TNNI3K: variants seen among roughly 807,000 people sequenced by gnomAD.
TNNI3K encodes the protein TNNI3 interacting kinase.
In TNNI3K, 140 loss-of-function variants were observed where a neutral mutation model predicts 114.5. That is an observed-to-expected ratio of 1.22 (90% CI 1.07 to 1.41). The LOEUF is 1.41. TNNI3K is among the 40% of genes most tolerant of loss of function. TNNI3K has a pLI of 0.00. For missense variants in TNNI3K, 1,125 were observed against 1,007.6 expected, an observed-to-expected ratio of 1.12 and a Z score of -1.58; for synonymous variants, 347 against 347.5, an observed-to-expected ratio of 1.00 and a Z score of 0.02.
At chr1:74,274,456 T>C (rs1435026343) in intron 5 of TNNI3K, among the ~76,000 whole-genome samples, 1 of 151,976 alleles carries the variant, frequency 6.6e-6, no homozygotes, top group East Asian at 1.9e-4. Flanking sequence ...TACGTGTGAA[T>C]TCATTTAACA....
chr1:74,455,713 G>A (rs924890808), intron 20 of TNNI3K, among the ~76,000 whole-genome samples: 1 of 152,122 alleles, frequency 6.6e-6, no homozygotes, highest in Non-Finnish European at 1.5e-5. Context: ...TGATATCTGA[G>A]GTCAGGAGAA....
chr1:74,396,531 T>A (rs1664090167), intron 17 of TNNI3K, among the ~76,000 whole-genome samples: 1 of 152,224 alleles, frequency 6.6e-6, no homozygotes, highest in Non-Finnish European at 1.5e-5. Context: ...ATGTCAATCA[T>A]GAATATTCTG....
rs1358209863 is a variant in TNNI3K at position 74,367,923 on chromosome 1, C to G, written c.1280C>G (p.Ser427Cys). The change falls in exon 13 of 25, where the codon TCT (serine) becomes TGT (cysteine). Residue 427 changes from serine to cysteine, a missense_variant. Ser to Cys is a moderately radical substitution (Grantham distance 112). Coordinates refer to ENST00000326637, the MANE Select transcript of TNNI3K (RefSeq NM_015978.3). ...SQPGGDGSYV[S>C]VPSPLGKIKS... ...TAATTTCTAGATGGCTCCTATGTGT[C>G]TGTTCCATCACCCTTGGGGAAGATT... The G allele has an allele frequency of 6.3e-7, 1 of 1,577,430 alleles. No homozygotes were observed. Among genetic ancestry groups the G allele is most frequent in the Non-Finnish European group, 8.6e-7 (1 of 1,166,394 alleles).
At position 74,367,889 on chromosome 1, in the gene TNNI3K, T is replaced by TA; in HGVS notation, c.1265-18dup. 6.4e-7 allele frequency: 1 copy of TA among 1,564,990 alleles called. No individual in the cohort carries two copies. Among genetic ancestry groups the TA allele is most frequent in the African/African-American group, 1.4e-5 (1 of 71,328 alleles). On this transcript the variant is annotated intron_variant, in intron 12 of 24. Coordinates refer to ENST00000326637, the MANE Select transcript of TNNI3K (RefSeq NM_015978.3). Reference sequence around the variant, plus strand: ...AAATGATCGCTACTTTCAACTCTATTATATAATTTAATTTCTAGATGGCTC... The same window carrying TA: ...AAATGATCGCTACTTTCAACTCTATTAATATAATTTAATTTCTAGATGGCTC...
intron 5 of TNNI3K, among the ~76,000 whole-genome samples, chr1:74,285,733 A>C (rs1657290730): frequency 6.6e-6 from 1 of 152,212 alleles, no homozygotes. Flanking sequence ...TAATTATTCA[A>C]GTGTTTTAGG....
At chr1:74,451,743 CTTT>C (rs1667032324) in intron 20 of TNNI3K, among the ~76,000 whole-genome samples, 1 of 45,128 alleles carries the variant, frequency 2.2e-5, no homozygotes, top group Non-Finnish European at 4.8e-5. Flanking sequence ...TTCTTTCTTT[CTTT>C]CTTTTCTTTT....
rs140190912 is a variant in TNNI3K, at chr1:74,368,848, G to A, written c.1322-174G>A. On this transcript the variant is annotated intron_variant, in intron 13 of 24. Coordinates refer to ENST00000326637, the MANE Select transcript of TNNI3K (RefSeq NM_015978.3). ...ACATGATTTTAATGCAGGGGGGTAG[G>A]GATCATTTGGGTTAAGGTTTTAGCA... 815 of 556,510 alleles carry A rather than the reference G, an allele frequency of 1.5e-3. 7 individuals carry two copies. The highest frequency in any genetic ancestry group is 0.014 in the African/African-American group (690 of 50,936). The allele number at this position is 556,510 out of a possible 1,614,324, so 34.5% of individuals were successfully genotyped here.
At chr1:74,312,327 G>A (rs1400507393) in intron 5 of TNNI3K, among the ~76,000 whole-genome samples, 3 of 152,176 alleles carry the variant, frequency 2.0e-5, no homozygotes, top group Admixed American at 2.0e-4. Flanking sequence ...CCTCTACTCT[G>A]ATACATGTTC....
At chr1:74,413,860 A>G (rs1363924957) in intron 17 of TNNI3K, among the ~76,000 whole-genome samples, 2 of 152,192 alleles carry the variant, frequency 1.3e-5, no homozygotes, top group Non-Finnish European at 2.9e-5. Context: ...AGTTGCAATC[A>G]GTTCTTTTAA....
chr1:74,392,910 A>T (rs1384618280), intron 17 of TNNI3K, among the ~76,000 whole-genome samples: 1 of 152,248 alleles, frequency 6.6e-6, no homozygotes, highest in Non-Finnish European at 1.5e-5. Flanking sequence ...AATACAAAAT[A>T]ACTGTTTTTG....
At chr1:74,386,234 G>T (rs555721201) in intron 17 of TNNI3K, among the ~76,000 whole-genome samples, 2 of 152,048 alleles carry the variant, frequency 1.3e-5, no homozygotes, top group Admixed American at 1.3e-4. Flanking sequence ...GTCTTTATTA[G>T]CAGTGTGAGA....
chr1:74,540,184 GTTA>G (rs1646709259), intron 23 of TNNI3K, 47 bp from the exon 24 acceptor site: 1 of 1,585,484 alleles, frequency 6.3e-7, no homozygotes, highest in African/African-American at 1.4e-5. Context: ...TTATAAAAAT[GTTA>G]TTATCAGATC....
rs377443276 is a variant in TNNI3K at position 74,335,964 on chromosome 1, T to C, written c.544-47T>C. On this transcript the variant is annotated intron_variant, in intron 6 of 24. Coordinates refer to ENST00000326637, the MANE Select transcript of TNNI3K (RefSeq NM_015978.3). ...CTTGTATACTGCCAAAAGTTTTGCA[T>C]TATTGTTTGAATTTTTATACTGATT... is the stretch of plus-strand genomic sequence containing the variant. 36 of 1,521,948 alleles carry C rather than the reference T, an allele frequency of 2.4e-5. No homozygotes were observed. In the African/African-American group the frequency reaches 5.0e-4, roughly 21 times the overall value. 94.3% of individuals were successfully genotyped at this position (1,521,948 alleles called of 1,614,324 possible).
chr1:74,374,838 G>T (rs1175023925), intron 17 of TNNI3K: 1 of 151,858 alleles, frequency 6.6e-6, no homozygotes, highest in African/African-American at 2.4e-5. Context: ...TCATTTTGTG[G>T]CATTGGAGTT....
At chr1:74,524,791 G>A (rs1267564967) in intron 23 of TNNI3K, among the ~76,000 whole-genome samples, 2 of 151,992 alleles carry the variant, frequency 1.3e-5, no homozygotes, top group East Asian at 1.9e-4. Flanking sequence ...GAAGTAAAGG[G>A]GCTGCCTCAT....
chr1:74,509,747 CTTTTTTTTTTTTTTTTT>C lies in TNNI3K; in HGVS notation c.2351+17495_2351+17511del, dbSNP rs68193106. Among the ~76,000 whole-genome samples the C allele has an allele frequency of 8.4e-5, 4 of 47,784 alleles. No homozygotes were observed. The South Asian group carries it at 4.3e-3, about 52-fold the overall frequency. The allele number at this position is 47,784 out of a possible 152,430, so 31.3% of individuals were successfully genotyped here. On this transcript the variant is annotated intron_variant, in intron 23 of 24. Transcript: ENST00000326637. The stretch of plus-strand genomic sequence containing the variant: ...TTCTGGTTTTGAGTGATCTGAATTT[CTTTTTTTTTTTTTTTTT>C]TTTTTTTTTTTTTGAGACAGGGTCT...
At chr1:74,498,520 G>A (rs572235273) in intron 23 of TNNI3K, among the ~76,000 whole-genome samples, 1 of 151,754 alleles carries the variant, frequency 6.6e-6, no homozygotes, top group Non-Finnish European at 1.5e-5. Flanking sequence ...TTATTTAATT[G>A]CATGTGGTGA....
chr1:74,368,043 T>C, intron 13 of TNNI3K, 79 bp downstream of exon 13: 1 of 1,337,194 alleles, frequency 7.5e-7, no homozygotes, highest in Non-Finnish European at 1.0e-6. Flanking sequence ...CAATTTTGTT[T>C]TACATATTAC....
At chr1:74,255,742 A>T (rs1327481738) in intron 4 of TNNI3K, among the ~76,000 whole-genome samples, 2 of 152,218 alleles carry the variant, frequency 1.3e-5, no homozygotes, top group African/African-American at 4.8e-5. Context: ...GTTATAGGAC[A>T]TTTCTACTAT....
Sources: allele counts gnomAD v4.1 joint callset (sites outside exome capture counted in the v4.1 genomes callset), GRCh38; gene constraint gnomAD v4.1.1; transcripts MANE v1.5; gene names NCBI Gene and HGNC (gene_info 2026-07-23, HGNC 2026-07-21).